LOXL2: variants seen among roughly 807,000 people sequenced by gnomAD.
LOXL2 encodes lysyl oxidase homolog 2.
A neutral mutation model predicts 93.0 loss-of-function variants in LOXL2; 70 were observed. That is an observed-to-expected ratio of 0.75 (90% confidence interval 0.62 to 0.92). LOXL2 has a LOEUF of 0.92. Among genes scored for constraint, LOXL2 ranks in the 40% least tolerant of loss-of-function variants. LOXL2 has a pLI of 0.00. For synonymous variants in LOXL2, 438 were observed against 413.2 expected (o/e 1.06, Z -0.73); for missense variants, 973 against 1,054.9 (o/e 0.92, Z 1.08).
intron 9 of LOXL2, among the ~76,000 whole-genome samples, chr8:23,311,763 C>T (rs945822719): frequency 6.6e-6 from 1 of 152,138 alleles, no homozygotes; most frequent in Non-Finnish European, 1.5e-5. Flanking sequence ...GTGGAACTAC[C>T]CTAGACTAAC....
intron 12 of LOXL2, among the ~76,000 whole-genome samples, chr8:23,300,465 CCCT>C (rs1437197059): frequency 6.6e-6 from 1 of 152,198 alleles, no homozygotes; most frequent in East Asian, 1.9e-4. Flanking sequence ...TCGCCCAGCT[CCCT>C]CCTCCTGTCC....
intron 1 of LOXL2, among the ~76,000 whole-genome samples, chr8:23,392,711 C>T (rs570457418): frequency 8.1e-4 from 124 of 152,242 alleles, no homozygotes; most frequent in African/African-American, 2.7e-3. Context: ...TGCTTTTACA[C>T]CCCCCTGCCC....
intron 1 of LOXL2, among the ~76,000 whole-genome samples, chr8:23,400,084 G>C (rs933503178): frequency 1.8e-4 from 28 of 152,196 alleles, no homozygotes; most frequent in African/African-American, 6.8e-4. Context: ...TGCCAAGAAA[G>C]GAGAATTCCA....
At chr8:23,346,196 AAAATAAAAT>A (rs1179576793) in intron 3 of LOXL2, among the ~76,000 whole-genome samples, 38 of 118,410 alleles carry the variant, frequency 3.2e-4, no homozygotes, top group Admixed American at 8.8e-4. Context: ...AAAATAAAAT[AAAATAAAAT>A]AAATAAAATA....
chr8:23,369,872 C>G (rs1348216449), intron 1 of LOXL2, among the ~76,000 whole-genome samples: 1 of 152,128 alleles, frequency 6.6e-6, no homozygotes, highest in East Asian at 1.9e-4. Flanking sequence ...CTCATCATTC[C>G]CATCAAAGCA....
chr8:23,359,865 G>A (rs1049195518), intron 3 of LOXL2, among the ~76,000 whole-genome samples: 3 of 152,098 alleles, frequency 2.0e-5, no homozygotes, highest in African/African-American at 7.2e-5. Flanking sequence ...TCACACCTCT[G>A]TGCCTCTGCC....
intron 3 of LOXL2, among the ~76,000 whole-genome samples, chr8:23,344,746 G>T (rs1803941496): frequency 6.6e-6 from 1 of 152,086 alleles, no homozygotes; most frequent in Admixed American, 6.5e-5. Context: ...GTCTTGTGGT[G>T]GAGGAAATTC....
At chr8:23,303,555 C>G (rs984048021) in intron 10 of LOXL2, among the ~76,000 whole-genome samples, 158 bp from the exon 11 acceptor site, 2 of 152,124 alleles carry the variant, frequency 1.3e-5, no homozygotes, top group African/African-American at 4.8e-5. Context: ...GAAAGGAAAG[C>G]CGGTGCTGCA....
chr8:23,345,297 T>C (rs1049970739), intron 3 of LOXL2, among the ~76,000 whole-genome samples: 2 of 152,178 alleles, frequency 1.3e-5, no homozygotes, highest in African/African-American at 4.8e-5. Flanking sequence ...CTGTGTCCAA[T>C]ACATTGCCTG....
intron 9 of LOXL2, among the ~76,000 whole-genome samples, chr8:23,313,252 C>T (rs1053347639): frequency 6.6e-6 from 1 of 152,122 alleles, no homozygotes; most frequent in East Asian, 1.9e-4. Flanking sequence ...ATGCCATCCC[C>T]ATCAAGCTAC....
intron 1 of LOXL2, among the ~76,000 whole-genome samples, chr8:23,380,406 A>AGAAAAG (rs1554483366): frequency 7.8e-6 from 1 of 128,502 alleles, no homozygotes; most frequent in Non-Finnish European, 1.6e-5. Flanking sequence ...AAAAAAAAAA[A>AGAAAAG]AAAAAGACAT....
chr8:23,355,811 A>T (rs1804188321), intron 3 of LOXL2, among the ~76,000 whole-genome samples: 1 of 151,100 alleles, frequency 6.6e-6, no homozygotes, highest in South Asian at 2.1e-4. Flanking sequence ...GTCTTGCCAT[A>T]TTGCCCAGGC....
chr8:23,383,734 C>A (rs1052719256), intron 1 of LOXL2, among the ~76,000 whole-genome samples: 1 of 143,776 alleles, frequency 7.0e-6, no homozygotes, highest in African/African-American at 2.6e-5. Context: ...AATCTCGGCT[C>A]ACTGCAAGCT....
At chr8:23,380,666 T>G (rs1804669803) in intron 1 of LOXL2, among the ~76,000 whole-genome samples, 1 of 151,972 alleles carries the variant, frequency 6.6e-6, no homozygotes, top group Non-Finnish European at 1.5e-5. Flanking sequence ...TTCTTTATAG[T>G]GAAAGTTACA....
At chr8:23,299,028 C>T (rs572801787) in intron 12 of LOXL2, 81 bp from the exon 13 acceptor site, 4 of 831,356 alleles carry the variant, frequency 4.8e-6, no homozygotes, top group East Asian at 2.5e-5. Flanking sequence ...GAGAGACCAG[C>T]ACCTCAGGGA....
At chr8:23,400,233 A>T (rs1800139054) in intron 1 of LOXL2, among the ~76,000 whole-genome samples, 1 of 152,228 alleles carries the variant, frequency 6.6e-6, no homozygotes, top group Admixed American at 6.5e-5. Context: ...TAATAAAGAC[A>T]TACCCGAGAC....
intron 2 of LOXL2, among the ~76,000 whole-genome samples, chr8:23,366,585 G>A (rs1804404977): frequency 6.6e-6 from 1 of 152,230 alleles, no homozygotes; most frequent in South Asian, 2.1e-4. Context: ...CTAGATTATG[G>A]TGGGTTGAGG....
At chr8:23,314,562 A>G (rs7831964) in intron 9 of LOXL2, among the ~76,000 whole-genome samples, 92,936 of 139,800 alleles carry the variant, frequency 0.66, 31,755 homozygotes, top group South Asian at 0.82. Context: ...CAAACACCGC[A>G]TATTCTCACT....
At chr8:23,395,159 C>A (rs902062709) in intron 1 of LOXL2, among the ~76,000 whole-genome samples, 3 of 152,058 alleles carry the variant, frequency 2.0e-5, no homozygotes, top group African/African-American at 7.2e-5. Context: ...GAGGATGAGG[C>A]AGGAGAATCG....
Sources: allele counts gnomAD v4.1 joint callset (sites outside exome capture counted in the v4.1 genomes callset), GRCh38; gene constraint gnomAD v4.1.1; transcripts MANE v1.5; gene names NCBI Gene and HGNC (gene_info 2026-07-23, HGNC 2026-07-21).